The following DNHD1 variants were observed in gnomAD, a reference collection of about 807,000 sequenced individuals.
DNHD1 encodes the protein dynein heavy chain domain 1, also known as dynein heavy chain domain-containing protein 1.
Under a neutral mutation model 458.1 loss-of-function variants are expected in DNHD1, and 383 were observed. The ratio of observed to expected loss-of-function variants is 0.84; its 90% confidence interval spans 0.77 to 0.91. The LOEUF (loss-of-function observed/expected upper bound fraction) is 0.91, where lower values mean the gene tolerates loss of function less well. Among genes scored for constraint, DNHD1 ranks in the 40% least tolerant of loss-of-function variants. DNHD1 has a pLI of 0.00. For synonymous variants in DNHD1, 2,203 were observed against 2,376.9 expected (o/e 0.93, Z 2.13); for missense variants, 5,336 against 5,866.1 (o/e 0.91, Z 2.95).
At chr11:6,540,884 A>G (rs1044191796) in intron 18 of DNHD1, among the ~76,000 whole-genome samples, 4 of 152,250 alleles carry the variant, frequency 2.6e-5, no homozygotes, top group African/African-American at 9.6e-5. Flanking sequence ...TAAGATTTTT[A>G]TTTTAGCTTA....
At chr11:6,527,241 G>C (rs1212209985) in intron 10 of DNHD1, among the ~76,000 whole-genome samples, 8 of 152,158 alleles carry the variant, frequency 5.3e-5, no homozygotes, top group African/African-American at 1.9e-4. Context: ...AGACTGTAAA[G>C]TATAGGAGGC....
At chr11:6,544,354 A>G in intron 19 of DNHD1, 108 bp downstream of exon 19, 1 of 1,299,598 alleles carries the variant, frequency 7.7e-7, no homozygotes, top group Non-Finnish European at 1.1e-6. Context: ...TGAAGAACAC[A>G]GTGAGGACCT....
At chr11:6,511,565 G>T (rs1852336142) in intron 7 of DNHD1, 136 bp downstream of exon 7, 1 of 1,158,732 alleles carries the variant, frequency 8.6e-7, no homozygotes, top group Non-Finnish European at 1.2e-6. Context: ...CCATTTTCCT[G>T]CCCAGCAACA....
rs1265672341 is a variant in DNHD1, at chr11:6,557,570, G to C, written c.8275G>C (p.Gly2759Arg). 1.3e-6 allele frequency: 2 copies of C among 1,551,608 alleles called. No individual in the cohort carries two copies. Among genetic ancestry groups the C allele is most frequent in the Non-Finnish European group, 1.7e-6 (2 of 1,147,010 alleles). Residue 2759 changes from glycine to arginine, a missense_variant, in exon 25 of 43, where the codon GGG becomes CGG. Transcript: ENST00000254579. ...ACCATCCATAGGACCAGTAAGCAGG[G>C]GGATGAAGGAAAGCATAAGTCACAA... ...LTPSIGPVSR[G>R]MKESISHKIR...
At chr11:6,521,710 G>A (rs1318327397) in intron 10 of DNHD1, among the ~76,000 whole-genome samples, 3 of 152,158 alleles carry the variant, frequency 2.0e-5, no homozygotes, top group African/African-American at 7.2e-5. Context: ...ATATAATTGA[G>A]TAATCAAAAC....
chr11:6,530,781 C>T (rs548239082), intron 12 of DNHD1, among the ~76,000 whole-genome samples: 26 of 152,204 alleles, frequency 1.7e-4, no homozygotes, highest in Middle Eastern at 3.4e-3. Flanking sequence ...ACCGGGAGGA[C>T]GTTTGATTGT....
chr11:6,514,153 G>T (rs1480354365), intron 7 of DNHD1, among the ~76,000 whole-genome samples: 4 of 152,174 alleles, frequency 2.6e-5, no homozygotes, highest in East Asian at 1.9e-4. Flanking sequence ...TCCCAGGCTG[G>T]AGTGCAGTGG....
intron 32 of DNHD1, 146 bp downstream of exon 32, chr11:6,564,950 A>T (rs1222667010): frequency 1.5e-6 from 1 of 685,580 alleles, no homozygotes; most frequent in African/African-American, 1.8e-5. Flanking sequence ...TATAGGAACA[A>T]ATTTGGTCAC....
intron 4 of DNHD1, among the ~76,000 whole-genome samples, chr11:6,506,313 C>G (rs1852226987): frequency 6.6e-6 from 1 of 152,198 alleles, no homozygotes; most frequent in Non-Finnish European, 1.5e-5. Flanking sequence ...TCTGGTTCCA[C>G]TTTACTCCTG....
chr11:6,531,908 T>C lies in DNHD1; in HGVS notation c.2348-1119T>C, dbSNP rs143006627. Among the ~76,000 whole-genome samples, 60 of 152,338 alleles carry C rather than the reference T, an allele frequency of 3.9e-4. 1 individual carries two copies. Among genetic ancestry groups the C allele is most frequent in the African/African-American group, 1.3e-3 (55 of 41,576 alleles). ...ATTTTTATGTTTACATTTATATTTA[T>C]AACATAAACATGTTTATATTTAAAA... On this transcript the variant is annotated intron_variant, in intron 12 of 42. Coordinates refer to ENST00000254579, the MANE Select transcript of DNHD1 (RefSeq NM_144666.3).
Position 6,564,802 on chromosome 11 carries a change from G to T in DNHD1, c.10754G>T (p.Arg3585Ile). 1 of 1,511,160 alleles carries T rather than the reference G, an allele frequency of 6.6e-7. No individual in the cohort carries two copies. 93.6% of individuals were successfully genotyped at this position (1,511,160 alleles called of 1,614,324 possible). Residue 3585 changes from arginine to isoleucine, a missense_variant and splice_region_variant, in exon 32 of 43, where the codon AGA (arginine) becomes ATA (isoleucine). By Grantham distance (97) the Arg-to-Ile change is moderately conservative. Transcript: ENST00000254579. ...RSFAPALTEG[R>I]GKGLMRNQKR... ...TTTGCGCCAGCCCTCACTGAGGGTA[G>T]AGGTAAGCAGGCATAATAAATGCAA...
At chr11:6,528,437 A>T (rs4623884) in intron 10 of DNHD1, 85 bp from the exon 11 acceptor site, 3 of 1,034,018 alleles carry the variant, frequency 2.9e-6, no homozygotes, top group South Asian at 1.9e-5. Flanking sequence ...GTGTGTGTGT[A>T]CACACACTGA....
chr11:6,567,821 TCTGA>T lies in DNHD1; in HGVS notation c.12316_12319del (p.Thr4106SerfsTer18), dbSNP rs760542413. On this transcript the variant is annotated frameshift_variant, in exon 36 of 43. Coordinates refer to ENST00000254579, the MANE Select transcript of DNHD1 (RefSeq NM_144666.3). LOFTEE classifies it high-confidence loss of function. ...GCCACCCCTCAGCCACTCTGCATCC[TCTGA>T]CTGTCATCCAGAAACTGGCTGCCAA... The T allele has an allele frequency of 1.9e-6, 3 of 1,613,064 alleles. No individual in the cohort carries two copies. The African/African-American group carries it at 4.0e-5, about 22-fold the overall frequency.
rs925631453 is a variant in DNHD1, at chr11:6,546,354, G to C, written c.5415G>C (p.Leu1805=). The C allele has an allele frequency of 6.4e-7, 1 of 1,552,292 alleles. No individual in the cohort carries two copies. Among genetic ancestry groups the C allele is most frequent in the African/African-American group, 1.4e-5 (1 of 73,186 alleles). The change falls in exon 21 of 43, where the codon CTG becomes CTC. Residue 1805 remains leucine, a synonymous_variant. Coordinates refer to ENST00000254579, the MANE Select transcript of DNHD1 (RefSeq NM_144666.3). ...TGCGCCTTGGCTATGGCTGTCTCCT[G>C]GTACTGCGTGCCCTGAGCTCTGCTG... is the stretch of plus-strand genomic sequence containing the variant. ...VSVRLGYGCL[L]VLRALSSAVP...
In DNHD1 at chr11:6,571,639, G is replaced by A; in HGVS notation, c.13915G>A (p.Glu4639Lys). 2 of 1,574,176 alleles carry A rather than the reference G, an allele frequency of 1.3e-6. No individual in the cohort carries two copies. Among genetic ancestry groups the A allele is most frequent in the Non-Finnish European group, 1.7e-6 (2 of 1,156,954 alleles). ...MNSNPLHFRV[E>K]NGPNPTVPER... ...GACCAGCTTCTGACGCCCCCAGGTG[G>A]AGAATGGTCCAAATCCCACGGTTCC... Residue 4639 changes from glutamate to lysine, a missense_variant, in exon 43 of 43, where the codon GAG becomes AAG. Physicochemically the swap from Glu to Lys is moderately conservative, Grantham distance 56. Around this residue, in one of 4 missense-constraint regions of DNHD1, gnomAD observed 698 missense variants for 664.9 expected, o/e 1.05. Coordinates refer to ENST00000254579, the MANE Select transcript of DNHD1 (RefSeq NM_144666.3). This position sits in a 1 kb window ranked among gnomAD's most constrained non-coding sequence, Gnocchi z 5.0.
chr11:6,520,844 A>G, intron 10 of DNHD1: 1 of 988,180 alleles, frequency 1.0e-6, no homozygotes, highest in Non-Finnish European at 1.2e-6. Flanking sequence ...TGTCACAAAT[A>G]AAATCATTAA....
intron 14 of DNHD1, among the ~76,000 whole-genome samples, chr11:6,535,146 C>T (rs920479116): frequency 6.6e-6 from 1 of 152,216 alleles, no homozygotes; most frequent in Non-Finnish European, 1.5e-5. Context: ...TTCTTTTTCT[C>T]TGAGTTCTGG....
At chr11:6,512,050 T>C (rs1303971269) in intron 7 of DNHD1, among the ~76,000 whole-genome samples, 2 of 152,030 alleles carry the variant, frequency 1.3e-5, no homozygotes, top group East Asian at 1.9e-4. Context: ...TTTGTGAAAA[T>C]AACTAATTAA....
rs1187833790 is a variant in DNHD1, at chr11:6,545,073, C to T, written c.4134C>T (p.Cys1378=). The T allele has an allele frequency of 1.2e-5, 18 of 1,551,776 alleles. No homozygotes were observed. The highest frequency in any genetic ancestry group is 6.8e-5 in the African/African-American group (5 of 73,036). Residue 1378 remains cysteine, a synonymous_variant, in exon 21 of 43, where the codon TGC becomes TGT. Coordinates refer to ENST00000254579, the MANE Select transcript of DNHD1 (RefSeq NM_144666.3). The surrounding 1 kb of genome is among the most constrained non-coding windows in gnomAD (Gnocchi z 4.9). ...TGCTGGCTGCTCGACTGGAATCATG[C>T]GAAGCCCAGCTATGGGTACGACGCT... ...VALLAARLES[C]EAQLWVRRCF...
Sources: allele counts gnomAD v4.1 joint callset (sites outside exome capture counted in the v4.1 genomes callset), GRCh38; gene constraint gnomAD v4.1.1; regional missense constraint gnomAD v4.1.1; non-coding constraint Gnocchi (gnomAD v3.1); transcripts MANE v1.5; gene names NCBI Gene and HGNC (gene_info 2026-07-23, HGNC 2026-07-21).